Variants in ARHGAP26 observed in about 807,000 individuals in gnomAD.
The protein encoded by ARHGAP26 is rho GTPase-activating protein 26.
A neutral mutation model predicts 104.8 loss-of-function variants in ARHGAP26; 38 were observed. The ratio of observed to expected loss-of-function variants is 0.36; its 90% CI spans 0.28 to 0.48. The LOEUF (loss-of-function observed/expected upper bound fraction) is 0.48. Ranked by LOEUF, ARHGAP26 falls within the 20% of genes least tolerant of loss-of-function variation. The pLI, the probability that ARHGAP26 is intolerant of heterozygous loss-of-function variation, is 0.99. For missense variants in ARHGAP26, 704 were observed against 947.9 expected (o/e 0.74, Z 3.38); for synonymous variants, 341 against 340.0 (o/e 1.00, Z -0.03).
At chr5:143,078,502 C>G (rs1220235404) in intron 17 of ARHGAP26, among the ~76,000 whole-genome samples, 1 of 151,558 alleles carries the variant, frequency 6.6e-6, no homozygotes, top group Non-Finnish European at 1.5e-5. Flanking sequence ...ATTCAGTCTG[C>G]TTTTAGTTTG....
chr5:143,086,710 C>T (rs986973282), intron 17 of ARHGAP26, among the ~76,000 whole-genome samples: 11 of 152,206 alleles, frequency 7.2e-5, no homozygotes, highest in African/African-American at 2.7e-4. Flanking sequence ...GCACTTAAGG[C>T]TGCTGGTGAG....
At chr5:142,799,402 G>A (rs372238650) in intron 1 of ARHGAP26, among the ~76,000 whole-genome samples, 3 of 152,246 alleles carry the variant, frequency 2.0e-5, no homozygotes, top group Non-Finnish European at 2.9e-5. Flanking sequence ...TTGTCAAGAC[G>A]AATGTCTTAA....
At chr5:143,210,714 A>T (rs1809327481) in intron 21 of ARHGAP26, among the ~76,000 whole-genome samples, 1 of 152,220 alleles carries the variant, frequency 6.6e-6, no homozygotes, top group African/African-American at 2.4e-5. Flanking sequence ...ACCTCCCTGT[A>T]GTGCCATATG....
chr5:142,947,513 T>C (rs1767335064), intron 11 of ARHGAP26, among the ~76,000 whole-genome samples: 1 of 152,220 alleles, frequency 6.6e-6, no homozygotes. Context: ...CTCTGTGTGT[T>C]GTCATGCCAG....
In ARHGAP26 at chr5:142,790,287, A is replaced by G. The variant is rs150835459; in HGVS notation, c.154+19372A>G. On this transcript the variant is annotated intron_variant, in intron 1 of 22. Transcript: ENST00000645722. ...TCTCTGAGGGGCTGAATGACCTTCC[A>G]TTCTGGGCCTATAGTTGGTGACCAC... Among the ~76,000 whole-genome samples, 806 of 152,324 alleles carry G rather than the reference A, an allele frequency of 5.3e-3. 6 individuals are homozygous for G. The highest frequency in any genetic ancestry group is 0.019 in the African/African-American group (783 of 41,572).
intron 1 of ARHGAP26, among the ~76,000 whole-genome samples, chr5:142,812,461 C>T (rs1764283967): frequency 6.6e-6 from 1 of 152,012 alleles, no homozygotes; most frequent in Non-Finnish European, 1.5e-5. Flanking sequence ...CCTCAGCCAC[C>T]CGAGTAGCTG....
intron 17 of ARHGAP26, among the ~76,000 whole-genome samples, chr5:143,104,378 G>A (rs1793693219): frequency 6.6e-6 from 1 of 152,030 alleles, no homozygotes; most frequent in Non-Finnish European, 1.5e-5. Flanking sequence ...GCAGGTAGTG[G>A]CACGCACCTG....
rs531883914 is a variant in ARHGAP26 at position 142,827,498 on chromosome 5, T to A, written c.155-45902T>A. Among the ~76,000 whole-genome samples, 11 of 152,284 alleles carry A rather than the reference T, an allele frequency of 7.2e-5. No homozygotes were observed. The South Asian group carries it at 2.3e-3, about 32-fold the overall frequency. ...GTGGTGCTGGTGGTGGAGGTTGAGG[T>A]TGGGGCAACATGACCAGTGAGTGTT... is the stretch of plus-strand genomic sequence containing the variant. On this transcript the variant is annotated intron_variant, in intron 1 of 22. Transcript: ENST00000645722.
rs141893898 is a variant in ARHGAP26 at position 143,005,804 on chromosome 5, G to A, written c.1108-8276G>A. On this transcript the variant is annotated intron_variant, in intron 11 of 22. Coordinates refer to ENST00000645722, the MANE Select transcript of ARHGAP26 (RefSeq NM_001135608.3). ...TTTATTCACCAGCAAGAACGCTTCCGGGGCTGTTAAAAGACTCTGTCTTTT... is the reference window on the plus strand; with the variant it reads ...TTTATTCACCAGCAAGAACGCTTCCAGGGCTGTTAAAAGACTCTGTCTTTT... Among the ~76,000 whole-genome samples, 110 of 152,252 alleles carry A rather than the reference G, an allele frequency of 7.2e-4. 1 individual carries two copies. In the East Asian group the frequency reaches 0.017, roughly 23 times the overall value.
intron 1 of ARHGAP26, among the ~76,000 whole-genome samples, chr5:142,802,573 C>A (rs775561884): frequency 6.6e-6 from 1 of 152,116 alleles, no homozygotes; most frequent in South Asian, 2.1e-4. Context: ...TTCCAAGAAC[C>A]TATCGACGAT....
intron 11 of ARHGAP26, among the ~76,000 whole-genome samples, chr5:142,962,994 C>A (rs895016481): frequency 3.3e-5 from 5 of 151,726 alleles, no homozygotes; most frequent in Admixed American, 1.3e-4. Context: ...TGTTGTTCCC[C>A]TCTGCGTTCA....
chr5:142,885,524 C>T (rs1005059072), intron 5 of ARHGAP26, 125 bp downstream of exon 5: 18 of 713,938 alleles, frequency 2.5e-5, no homozygotes, highest in Non-Finnish European at 3.9e-5. Flanking sequence ...CAGGAGATTG[C>T]TCCTGATCCC....
chr5:143,089,045 T>A (rs1267449420), intron 17 of ARHGAP26, among the ~76,000 whole-genome samples: 1 of 152,204 alleles, frequency 6.6e-6, no homozygotes, highest in East Asian at 1.9e-4. Context: ...GAAGTTAAGT[T>A]TAAAAGTAGA....
chr5:142,952,591 A>G (rs1409967754), intron 11 of ARHGAP26, among the ~76,000 whole-genome samples: 1 of 152,108 alleles, frequency 6.6e-6, no homozygotes, highest in African/African-American at 2.4e-5. Flanking sequence ...TGGACCTGAC[A>G]GTTCTGTGGA....
In ARHGAP26 at chr5:143,139,965, T is replaced by G. The variant is rs571769226; in HGVS notation, c.1837+5860T>G. On this transcript the variant is annotated intron_variant, in intron 19 of 22. Transcript: ENST00000645722. ...CTTCCAAGGGTTTGCAAAGTGACAC[T>G]TAGGATTTATTCTGTCCCAAATTTT... 8.5e-5 allele frequency among the ~76,000 whole-genome samples: 13 copies of G among 152,324 alleles called. No homozygotes were observed. In the South Asian group the frequency reaches 2.7e-3, roughly 32 times the overall value.
chr5:142,952,201 G>A (rs367648090), intron 11 of ARHGAP26, among the ~76,000 whole-genome samples: 1 of 152,120 alleles, frequency 6.6e-6, no homozygotes, highest in Admixed American at 6.5e-5. Context: ...CAGATTCTGG[G>A]GGTGAGGACA....
At chr5:142,797,805 C>T (rs1012530308) in intron 1 of ARHGAP26, among the ~76,000 whole-genome samples, 34 of 152,334 alleles carry the variant, frequency 2.2e-4, no homozygotes, top group African/African-American at 7.7e-4. Flanking sequence ...CCAGTTGCCA[C>T]TCTGTTGGGG....
At chr5:143,145,557 A>G (rs1799054334) in intron 19 of ARHGAP26, among the ~76,000 whole-genome samples, 1 of 152,160 alleles carries the variant, frequency 6.6e-6, no homozygotes, top group African/African-American at 2.4e-5. Flanking sequence ...TTATTATGTA[A>G]TCTTAGCGTT....
Position 142,894,279 on chromosome 5 carries a change from A to C in ARHGAP26, c.528A>C (p.Glu176Asp). The change falls in exon 6 of 23, where the codon GAA (glutamate) becomes GAC (aspartate). Residue 176 changes from glutamate (E) to aspartate (D), a missense_variant. Glu to Asp is a conservative substitution (Grantham distance 45). Transcript: ENST00000645722. ...ACCTGGTCCGGCAGCATTTCTATGA[A>C]GTATCCCTGGAATATGTCTTCAAGG... ...QVDLVRQHFY[E>D]VSLEYVFKVQ... The C allele has an allele frequency of 6.2e-7, 1 of 1,614,128 alleles. No homozygotes were observed. Among genetic ancestry groups the C allele is most frequent in the Non-Finnish European group, 8.5e-7 (1 of 1,179,992 alleles).
Sources: gnomAD v4.1 joint callset for allele counts (sites outside exome capture counted in the v4.1 genomes callset) on GRCh38, gnomAD v4.1.1 for gene constraint, MANE v1.5 for transcripts, NCBI Gene and HGNC (gene_info 2026-07-23, HGNC 2026-07-21) for gene names.